RBFOX1: variants seen among roughly 807,000 people sequenced by gnomAD.
The protein encoded by RBFOX1 is RNA binding protein fox-1 homolog 1.
In RBFOX1, 8 loss-of-function variants were observed where a neutral mutation model predicts 57.7. The ratio of observed to expected loss-of-function variants is 0.14; its 90% CI spans 0.08 to 0.25. The LOEUF is 0.25. RBFOX1 is among the 10% of genes least tolerant of loss of function. RBFOX1 has a pLI of 1.00. For synonymous variants in RBFOX1, 326 were observed against 222.4 expected, an observed-to-expected ratio of 1.47 and a Z score of -4.15; for missense variants, 611 against 548.5, an observed-to-expected ratio of 1.11 and a Z score of -1.14.
intron 4 of RBFOX1, among the ~76,000 whole-genome samples, chr16:7,256,720 C>T (rs559078705): frequency 1.9e-4 from 29 of 152,258 alleles, no homozygotes; most frequent in African/African-American, 6.5e-4. Flanking sequence ...GAAGGACGCC[C>T]AGGGCCATGT....
At chr16:7,184,451 C>A (rs1401941827) in intron 4 of RBFOX1, among the ~76,000 whole-genome samples, 2 of 152,226 alleles carry the variant, frequency 1.3e-5, no homozygotes, top group Non-Finnish European at 2.9e-5. Flanking sequence ...CCCAGGGTGT[C>A]TGTTCATCTG....
At chr16:6,844,528 G>A (rs1327551947) in intron 3 of RBFOX1, among the ~76,000 whole-genome samples, 1 of 151,906 alleles carries the variant, frequency 6.6e-6, no homozygotes, top group East Asian at 1.9e-4. Context: ...CTTTTTTATG[G>A]CTGCATAGTA....
intron 1 of RBFOX1, among the ~76,000 whole-genome samples, chr16:5,358,765 T>C (rs2151332154): frequency 6.6e-6 from 1 of 152,258 alleles, no homozygotes; most frequent in Admixed American, 6.5e-5. Flanking sequence ...AGGCAAAGGT[T>C]GCGGTGAGCC....
intron 2 of RBFOX1, among the ~76,000 whole-genome samples, chr16:5,549,770 A>G (rs2045383451): frequency 1.3e-5 from 2 of 152,180 alleles, no homozygotes; most frequent in South Asian, 4.1e-4. Flanking sequence ...TCACCCTGGA[A>G]AAGACCTGAA....
At chr16:7,019,218 T>C (rs2094080931) in intron 3 of RBFOX1, among the ~76,000 whole-genome samples, 1 of 151,978 alleles carries the variant, frequency 6.6e-6, no homozygotes, top group African/African-American at 2.4e-5. Context: ...TAATATTAGG[T>C]GGTTTGGTGT....
At chr16:5,308,770 G>C (rs1436804696) in intron 1 of RBFOX1, among the ~76,000 whole-genome samples, 1 of 147,530 alleles carries the variant, frequency 6.8e-6, no homozygotes, top group East Asian at 2.0e-4. Flanking sequence ...TTCAATATTT[G>C]TCTTATATTA....
In RBFOX1 at chr16:6,544,619, A is replaced by G. The variant is rs556842643; in HGVS notation, c.-63-109984A>G. Among the ~76,000 whole-genome samples, 17 of 152,324 alleles carry G rather than the reference A, an allele frequency of 1.1e-4. No homozygotes were observed. The East Asian group carries it at 3.3e-3, about 29-fold the overall frequency. ...GTTTTCATTAACTTCATGGGTGCAT[A>G]TAAGAGACTGGATGGATTTGAGGAT... On this transcript the variant is annotated intron_variant, in intron 2 of 15. Coordinates refer to ENST00000550418, the MANE Select transcript of RBFOX1 (RefSeq NM_018723.4).
At chr16:7,098,403 C>G (rs999534765) in intron 4 of RBFOX1, among the ~76,000 whole-genome samples, 1 of 152,174 alleles carries the variant, frequency 6.6e-6, no homozygotes, top group Non-Finnish European at 1.5e-5. Context: ...CTCCTGACCT[C>G]AAGTGATCCA....
intron 3 of RBFOX1, among the ~76,000 whole-genome samples, chr16:6,804,340 G>T (rs1321661549): frequency 6.6e-6 from 1 of 152,068 alleles, no homozygotes; most frequent in Non-Finnish European, 1.5e-5. Flanking sequence ...AGGGTAAATT[G>T]ATAAGACTTC....
intron 1 of RBFOX1, among the ~76,000 whole-genome samples, chr16:5,427,252 G>A (rs181279648): frequency 7.3e-4 from 111 of 152,282 alleles, no homozygotes; most frequent in African/African-American, 2.2e-3. Context: ...TTTATTTTAA[G>A]GAATTGGCTC....
intron 4 of RBFOX1, among the ~76,000 whole-genome samples, chr16:7,186,701 C>T (rs1033786191): frequency 1.3e-5 from 2 of 148,400 alleles, no homozygotes; most frequent in African/African-American, 4.9e-5. Context: ...ATATAAGTTT[C>T]ATGGTATCTA....
chr16:6,500,211 A>G (rs2095872388), intron 2 of RBFOX1, among the ~76,000 whole-genome samples: 1 of 152,206 alleles, frequency 6.6e-6, no homozygotes. Context: ...AAAGAATGGT[A>G]TCTTCTATTT....
In RBFOX1 at chr16:7,316,963, A is replaced by AACACAC. The variant is rs112548867; in HGVS notation, c.28-201166_28-201161dup. 2.0e-3 allele frequency among the ~76,000 whole-genome samples: 288 copies of AACACAC among 146,472 alleles called. 2 individuals carry two copies. The highest frequency in any genetic ancestry group is 4.6e-3 in the South Asian group (21 of 4,562). On this transcript the variant is annotated intron_variant, in intron 4 of 15. Transcript: ENST00000550418. ...TTGCCAAGACGAATGAAGAAGACAG[A>AACACAC]ACACACACACACACACACACACAAA... is the stretch of plus-strand genomic sequence containing the variant.
intron 3 of RBFOX1, among the ~76,000 whole-genome samples, chr16:6,695,136 A>G (rs2060823607): frequency 6.6e-6 from 1 of 152,094 alleles, no homozygotes; most frequent in Non-Finnish European, 1.5e-5. Context: ...AAAAAAAACA[A>G]TGGCCGGGCG....
chr16:7,554,149 C>G (rs954223749), intron 5 of RBFOX1, among the ~76,000 whole-genome samples: 2 of 152,092 alleles, frequency 1.3e-5, no homozygotes, highest in African/African-American at 4.8e-5. Context: ...CTCTCAGAGC[C>G]CAAAGCTTAG....
chr16:6,047,535 C>T (rs1042560414), intron 1 of RBFOX1, among the ~76,000 whole-genome samples: 12 of 152,188 alleles, frequency 7.9e-5, no homozygotes, highest in African/African-American at 2.9e-4. Context: ...GGCTGTCTTC[C>T]ATCTGCAGCA....
intron 3 of RBFOX1, among the ~76,000 whole-genome samples, chr16:5,628,317 ATTCTT>A (rs1193669214): frequency 6.6e-6 from 1 of 152,094 alleles, no homozygotes; most frequent in Non-Finnish European, 1.5e-5. Flanking sequence ...CACAGACTAA[ATTCTT>A]TTTCTTTTTC....
At chr16:6,798,774 A>G (rs1342881160) in intron 3 of RBFOX1, among the ~76,000 whole-genome samples, 3 of 152,188 alleles carry the variant, frequency 2.0e-5, no homozygotes, top group African/African-American at 4.8e-5. Context: ...GTAAAAGTAA[A>G]GTAGATTTAG....
At chr16:5,876,327 A>G (rs2057610233) in intron 4 of RBFOX1, among the ~76,000 whole-genome samples, 1 of 151,950 alleles carries the variant, frequency 6.6e-6, no homozygotes, top group African/African-American at 2.4e-5. Flanking sequence ...ACATCCTATC[A>G]TTTTTTCTGT....
Sources: allele counts gnomAD v4.1 joint callset (sites outside exome capture counted in the v4.1 genomes callset), GRCh38; gene constraint gnomAD v4.1.1; transcripts MANE v1.5; gene names NCBI Gene and HGNC (gene_info 2026-07-23, HGNC 2026-07-21).